The following RAB3IP variants were observed in gnomAD, a reference collection of about 807,000 sequenced individuals.
The protein encoded by RAB3IP is rab-3A-interacting protein.
In RAB3IP, 36 loss-of-function variants were observed where a neutral mutation model predicts 59.1. The ratio of observed to expected loss-of-function variants is 0.61; its 90% confidence interval spans 0.47 to 0.80. RAB3IP has a LOEUF of 0.80. Ranked by LOEUF, RAB3IP falls within the 30% of genes least tolerant of loss-of-function variation. The pLI is 0.00. For missense variants in RAB3IP, 511 were observed against 536.0 expected, an observed-to-expected ratio of 0.95 and a Z score of 0.46; for synonymous variants, 207 against 191.2, an observed-to-expected ratio of 1.08 and a Z score of -0.68.
At chr12:69,766,439 A>C (rs891028070) in intron 3 of RAB3IP, among the ~76,000 whole-genome samples, 1 of 151,832 alleles carries the variant, frequency 6.6e-6, no homozygotes, top group Admixed American at 6.6e-5. Flanking sequence ...GTTCGGTCCC[A>C]TCTGTTGCTA....
At chr12:69,800,134 G>A in intron 6 of RAB3IP, 75 bp from the exon 7 acceptor site, 1 of 1,181,446 alleles carries the variant, frequency 8.5e-7, no homozygotes. Flanking sequence ...GTTTAAATTA[G>A]TTTTGGTTTT....
At position 69,813,110 on chromosome 12, in the gene RAB3IP, T is replaced by C; in HGVS notation, c.1300+77T>C. On this transcript the variant is annotated intron_variant, in intron 10 of 10. Coordinates refer to ENST00000247833, the MANE Select transcript of RAB3IP (RefSeq NM_022456.5). ...TATAAGTAAAGTTCAACAAAAAGTA[T>C]AGAATAGTAGTAATGCTCATATCAG... 4 of 971,904 alleles carry C rather than the reference T, an allele frequency of 4.1e-6. No individual in the cohort carries two copies. In the Admixed American group the frequency reaches 6.6e-5, roughly 16 times the overall value. 60.2% of individuals were successfully genotyped at this position (971,904 alleles called of 1,614,324 possible). A position where few individuals can be genotyped will look rare whatever the true frequency, so the allele number is the denominator to read the frequency against.
At chr12:69,760,381 C>T (rs947798813) in intron 3 of RAB3IP, among the ~76,000 whole-genome samples, 1 of 151,588 alleles carries the variant, frequency 6.6e-6, no homozygotes, top group Non-Finnish European at 1.5e-5. Context: ...AAAGAGAGGG[C>T]GAGGGAGACC....
intron 10 of RAB3IP, 44 bp from the exon 11 acceptor site, chr12:69,815,320 A>T (rs374194982): frequency 7.7e-7 from 1 of 1,306,290 alleles, no homozygotes; most frequent in Non-Finnish European, 1.1e-6. Flanking sequence ...AATAATGAAG[A>T]TGGTATTTTA....
At position 69,754,342 on chromosome 12, in the gene RAB3IP, GGCAC is replaced by G. The variant is rs1319606374; in HGVS notation, c.-25-1041_-25-1038del. Among the ~76,000 whole-genome samples, 755 of 150,066 alleles carry G rather than the reference GGCAC, an allele frequency of 5.0e-3. 5 individuals carry two copies. Among genetic ancestry groups the G allele is most frequent in the Middle Eastern group, 0.01 (3 of 288 alleles). ...ACACACACACATACACAGATACACGGGCACACACACACACACACACACACACACT... is the reference window on the plus strand; with the variant it reads ...ACACACACACATACACAGATACACGGACACACACACACACACACACACACT... On this transcript the variant is annotated intron_variant, in intron 1 of 10. Coordinates refer to ENST00000247833, the MANE Select transcript of RAB3IP (RefSeq NM_022456.5).
intron 1 of RAB3IP, among the ~76,000 whole-genome samples, chr12:69,751,159 T>C (rs879322254): frequency 5.9e-5 from 9 of 152,226 alleles, no homozygotes; most frequent in Non-Finnish European, 2.9e-5. Context: ...TTATTTTTAG[T>C]GTCATTATGA....
chr12:69,788,824 T>C (rs567290845), intron 4 of RAB3IP, among the ~76,000 whole-genome samples: 1 of 152,166 alleles, frequency 6.6e-6, no homozygotes, highest in South Asian at 2.1e-4. Context: ...AGTCTCAGAT[T>C]TAAGAAGATC....
At chr12:69,795,769 A>G in intron 6 of RAB3IP, 1 of 211,152 alleles carries the variant, frequency 4.7e-6, no homozygotes, top group East Asian at 1.0e-4. Flanking sequence ...TATGTCAGCA[A>G]GGGAGTCCTA....
intron 1 of RAB3IP, among the ~76,000 whole-genome samples, chr12:69,751,839 G>T (rs1404877196): frequency 6.6e-6 from 1 of 151,930 alleles, no homozygotes; most frequent in East Asian, 1.9e-4. Context: ...TTTATGTTTA[G>T]GGATTCTTTT....
intron 4 of RAB3IP, among the ~76,000 whole-genome samples, chr12:69,792,817 G>A (rs1419100984): frequency 6.6e-6 from 1 of 152,124 alleles, no homozygotes; most frequent in Non-Finnish European, 1.5e-5. Context: ...TTTGTTCTCA[G>A]ATACCTTCAA....
chr12:69,796,777 T>G, intron 6 of RAB3IP: 1 of 438,378 alleles, frequency 2.3e-6, no homozygotes, highest in Non-Finnish European at 4.0e-6. Flanking sequence ...AAATAGCAAT[T>G]TTAATTGCCT....
intron 10 of RAB3IP, among the ~76,000 whole-genome samples, chr12:69,813,777 T>C (rs1190390805): frequency 6.6e-6 from 1 of 151,978 alleles, no homozygotes; most frequent in Non-Finnish European, 1.5e-5. Flanking sequence ...TTTCCCTGTT[T>C]ATATTTTTTA....
At chr12:69,810,435 A>T (rs963636303) in intron 8 of RAB3IP, among the ~76,000 whole-genome samples, 14 of 152,154 alleles carry the variant, frequency 9.2e-5, no homozygotes, top group African/African-American at 3.1e-4. Flanking sequence ...TTAGCTGGAA[A>T]TGCAGAAATC....
chr12:69,805,792 A>T (rs1298814918), intron 8 of RAB3IP, among the ~76,000 whole-genome samples: 1 of 152,060 alleles, frequency 6.6e-6, no homozygotes, highest in Non-Finnish European at 1.5e-5. Context: ...TATATGCTGG[A>T]TTACGTTTAT....
chr12:69,761,721 C>T (rs991543123), intron 3 of RAB3IP, among the ~76,000 whole-genome samples: 24 of 152,100 alleles, frequency 1.6e-4, no homozygotes, highest in Middle Eastern at 3.2e-3. Flanking sequence ...CATGTATATG[C>T]GGTTATACAA....
rs1242680492 is a variant in RAB3IP, at chr12:69,817,556, A to G, written c.*2110A>G. The G allele has an allele frequency of 2.0e-5, 3 of 151,850 alleles. No individual in the cohort carries two copies. The East Asian group carries it at 5.8e-4, about 29-fold the overall frequency. The allele number at this position is 151,850 out of a possible 1,614,324, so 9.4% of individuals were successfully genotyped here. On this transcript the variant is annotated 3_prime_UTR_variant, in exon 11 of 11. Transcript: ENST00000247833. ...GTTAGGCATTGTGGCTCATGCCTGT[A>G]ATCCCAGCACTTTGGGAGGCAGAGG...
rs1361328408 is a variant in RAB3IP, at chr12:69,819,609, G to C, written c.*4163G>C. 3 of 152,384 alleles carry C rather than the reference G, an allele frequency of 2.0e-5. No homozygotes were observed. The highest frequency in any genetic ancestry group is 4.4e-5 in the Non-Finnish European group (3 of 68,200). The allele number at this position is 152,384 out of a possible 1,614,324, so 9.4% of individuals were successfully genotyped here. ...GCAAAGACGAAAGGAGGAGCTGTTAGGAAGAGCAAGGCAACAGAAAAGGAA... is the reference window on the plus strand; with the variant it reads ...GCAAAGACGAAAGGAGGAGCTGTTACGAAGAGCAAGGCAACAGAAAAGGAA... On this transcript the variant is annotated 3_prime_UTR_variant, in exon 11 of 11. Transcript: ENST00000247833.
chr12:69,740,314 G>C (rs1019936770), intron 1 of RAB3IP, among the ~76,000 whole-genome samples: 14 of 152,250 alleles, frequency 9.2e-5, no homozygotes, highest in African/African-American at 3.4e-4. Flanking sequence ...TTATTTACTA[G>C]TACTGTGCAT....
chr12:69,822,971 G>A lies in RAB3IP; in HGVS notation c.*7525G>A, dbSNP rs1881921794. 6.6e-6 allele frequency: 1 copy of A among 152,000 alleles called. No homozygotes were observed. Among genetic ancestry groups the A allele is most frequent in the African/African-American group, 2.4e-5 (1 of 41,370 alleles). The allele number at this position is 152,000 out of a possible 1,614,324, so 9.4% of individuals were successfully genotyped here. Reference sequence around the variant, plus strand: ...GTTTAATATATCCTGTACCACTGTAGGATGACTGTAGTTAACAATAATGTG... The same window carrying A: ...GTTTAATATATCCTGTACCACTGTAAGATGACTGTAGTTAACAATAATGTG... On this transcript the variant is annotated 3_prime_UTR_variant, in exon 11 of 11. Transcript: ENST00000247833.
Sources: gnomAD v4.1 joint callset for allele counts (sites outside exome capture counted in the v4.1 genomes callset) on GRCh38, gnomAD v4.1.1 for gene constraint, MANE v1.5 for transcripts, NCBI Gene and HGNC (gene_info 2026-07-23, HGNC 2026-07-21) for gene names.